KCNQ5: variants seen among roughly 807,000 people sequenced by gnomAD.
KCNQ5 encodes the protein potassium voltage-gated channel subfamily Q member 5, also known as potassium voltage-gated channel subfamily KQT member 5.
A neutral mutation model predicts 98.2 loss-of-function variants in KCNQ5; 30 were observed. The ratio of observed to expected loss-of-function variants is 0.31; its 90% CI spans 0.23 to 0.41. KCNQ5 has a LOEUF of 0.41. Among genes scored for constraint, KCNQ5 ranks in the 10% least tolerant of loss-of-function variants. The pLI is 1.00. For missense variants in KCNQ5, 835 were observed against 1,182.5 expected (o/e 0.71, Z 4.31); for synonymous variants, 458 against 449.4 (o/e 1.02, Z -0.24).
chr6:72,822,512 A>G (rs772837543), intron 1 of KCNQ5, among the ~76,000 whole-genome samples: 12 of 152,202 alleles, frequency 7.9e-5, no homozygotes, highest in African/African-American at 1.9e-4. Context: ...ACCACAAAGT[A>G]TAAAGATAGA....
intron 1 of KCNQ5, among the ~76,000 whole-genome samples, chr6:72,668,848 TC>T (rs1467755775): frequency 6.6e-6 from 1 of 151,616 alleles, no homozygotes; most frequent in Non-Finnish European, 1.5e-5. Context: ...ATCTGAAACT[TC>T]CAGCCTTCTT....
rs370254767 is a variant in KCNQ5, at chr6:72,815,068, G to T, written c.399-188840G>T. On this transcript the variant is annotated intron_variant, in intron 1 of 13. Transcript: ENST00000370398. Reference sequence around the variant, plus strand: ...TCAGGAAATATGGGATTCAGTTTGGGATAATTTTTTTTGAAGTCCTATATG... The same window carrying T: ...TCAGGAAATATGGGATTCAGTTTGGTATAATTTTTTTTGAAGTCCTATATG... Among the ~76,000 whole-genome samples, 4 of 152,232 alleles carry T rather than the reference G, an allele frequency of 2.6e-5. No individual in the cohort carries two copies. The East Asian group carries it at 5.8e-4, about 22-fold the overall frequency.
At chr6:72,942,082 AT>A (rs1440322664) in intron 1 of KCNQ5, among the ~76,000 whole-genome samples, 1 of 152,172 alleles carries the variant, frequency 6.6e-6, no homozygotes, top group Non-Finnish European at 1.5e-5. Context: ...CTGAGCTGCC[AT>A]TTTAAGAATG....
At chr6:73,124,155 C>T (rs1775854905) in intron 8 of KCNQ5, among the ~76,000 whole-genome samples, 2 of 152,196 alleles carry the variant, frequency 1.3e-5, no homozygotes. Context: ...TAGCAACATT[C>T]TAAGAGCCCT....
chr6:73,104,400 A>G (rs951629920), intron 5 of KCNQ5, among the ~76,000 whole-genome samples: 3 of 152,206 alleles, frequency 2.0e-5, no homozygotes, highest in African/African-American at 7.2e-5. Context: ...CAAGGAGCTG[A>G]AAGACCTGTA....
chr6:73,070,752 A>G (rs1232966613), intron 3 of KCNQ5, among the ~76,000 whole-genome samples: 1 of 152,178 alleles, frequency 6.6e-6, no homozygotes, highest in Non-Finnish European at 1.5e-5. Context: ...GTCTTCATTA[A>G]CTAGAATTAG....
At chr6:73,170,729 T>G (rs1777983710) in intron 11 of KCNQ5, among the ~76,000 whole-genome samples, 1 of 150,576 alleles carries the variant, frequency 6.6e-6, no homozygotes, top group Non-Finnish European at 1.5e-5. Context: ...AGGTCAGGAG[T>G]TCAAGATAAG....
At chr6:72,797,924 G>A (rs1436344921) in intron 1 of KCNQ5, among the ~76,000 whole-genome samples, 1 of 152,076 alleles carries the variant, frequency 6.6e-6, no homozygotes, top group Non-Finnish European at 1.5e-5. Context: ...GCTCAAATAT[G>A]AATATCACCA....
chr6:72,664,300 TAAC>T (rs1565066669), intron 1 of KCNQ5, among the ~76,000 whole-genome samples: 3 of 152,188 alleles, frequency 2.0e-5, no homozygotes, highest in African/African-American at 7.2e-5. Context: ...CCTTGACAAA[TAAC>T]AAAATGTATT....
At position 72,852,907 on chromosome 6, in the gene KCNQ5, C is replaced by A. The variant is rs867615413; in HGVS notation, c.399-151001C>A. The stretch of plus-strand genomic sequence containing the variant: ...ATCTCTACATGATGAAATATTATAT[C>A]ATAGAGAGCTACCATTACAGACTTC... On this transcript the variant is annotated intron_variant, in intron 1 of 13. Coordinates refer to ENST00000370398, the MANE Select transcript of KCNQ5 (RefSeq NM_019842.4). Among the ~76,000 whole-genome samples, 31 of 151,864 alleles carry A rather than the reference C, an allele frequency of 2.0e-4. No individual in the cohort carries two copies. In the South Asian group the frequency reaches 4.2e-3, roughly 20 times the overall value.
At chr6:72,767,487 T>A (rs1772636720) in intron 1 of KCNQ5, among the ~76,000 whole-genome samples, 1 of 151,892 alleles carries the variant, frequency 6.6e-6, no homozygotes, top group Non-Finnish European at 1.5e-5. Flanking sequence ...TTAGATAAAT[T>A]TGATTTCATC....
intron 1 of KCNQ5, among the ~76,000 whole-genome samples, chr6:72,858,533 T>C (rs895475396): frequency 6.6e-6 from 1 of 151,938 alleles, no homozygotes; most frequent in South Asian, 2.1e-4. Context: ...CTGAAAATAG[T>C]AACCTTCGAA....
intron 7 of KCNQ5, among the ~76,000 whole-genome samples, chr6:73,115,080 G>T (rs1326424861): frequency 6.6e-6 from 1 of 151,848 alleles, no homozygotes; most frequent in Non-Finnish European, 1.5e-5. Context: ...AAGGTGGGAG[G>T]ATTGCTTGAG....
intron 1 of KCNQ5, among the ~76,000 whole-genome samples, chr6:72,792,500 T>C (rs1774104969): frequency 6.6e-6 from 1 of 152,222 alleles, no homozygotes; most frequent in Admixed American, 6.5e-5. Flanking sequence ...AAAATGACTA[T>C]ATTCTGGTAA....
chr6:73,088,610 A>G (rs76998159), intron 5 of KCNQ5, among the ~76,000 whole-genome samples: 250 of 152,174 alleles, frequency 1.6e-3, no homozygotes, highest in African/African-American at 5.7e-3. Flanking sequence ...CTAAAACCCA[A>G]ATCTCACGCC....
chr6:73,063,675 A>AGATG (rs1554203594), intron 3 of KCNQ5, among the ~76,000 whole-genome samples: 1 of 81,576 alleles, frequency 1.2e-5, no homozygotes, highest in African/African-American at 3.8e-5. Context: ...GATGATAGAT[A>AGATG]GATAGATAGA....
chr6:72,930,835 T>C (rs1272459180), intron 1 of KCNQ5, among the ~76,000 whole-genome samples: 1 of 152,190 alleles, frequency 6.6e-6, no homozygotes, highest in African/African-American at 2.4e-5. Flanking sequence ...ATTGGTTTAC[T>C]TGTTTAAATT....
chr6:72,995,419 A>G (rs559597063), intron 1 of KCNQ5, among the ~76,000 whole-genome samples: 95 of 152,216 alleles, frequency 6.2e-4, no homozygotes, highest in African/African-American at 2.2e-3. Flanking sequence ...AGAAAATAAC[A>G]TAAGTTCATC....
chr6:73,117,671 A>G (rs1280397188), intron 7 of KCNQ5, among the ~76,000 whole-genome samples: 1 of 152,192 alleles, frequency 6.6e-6, no homozygotes, highest in Non-Finnish European at 1.5e-5. Flanking sequence ...CAATGTATCA[A>G]AAATCATATA....
Sources: allele counts gnomAD v4.1 joint callset (sites outside exome capture counted in the v4.1 genomes callset), GRCh38; gene constraint gnomAD v4.1.1; transcripts MANE v1.5; gene names NCBI Gene and HGNC (gene_info 2026-07-23, HGNC 2026-07-21).